NID2: variants seen among roughly 807,000 people sequenced by gnomAD.
NID2 encodes nidogen 2, also known as nidogen-2.
NID2 carries 83 observed loss-of-function variants against 145.4 expected under a neutral mutation model. That is an observed-to-expected ratio of 0.57 (90% CI 0.48 to 0.69). NID2 has a LOEUF of 0.69. NID2 is among the 30% of genes least tolerant of loss of function. NID2 has a pLI of 0.00. For missense variants in NID2, 1,807 were observed against 1,765.7 expected (o/e 1.02, Z -0.42); for synonymous variants, 739 against 701.3 (o/e 1.05, Z -0.85).
intron 19 of NID2, 109 bp downstream of exon 19, chr14:52,007,701 C>G (rs1890842889): frequency 9.9e-7 from 1 of 1,011,326 alleles, no homozygotes; most frequent in Non-Finnish European, 1.5e-6. Flanking sequence ...GTTTACAGAC[C>G]AAAGAAAGGA....
chr14:52,013,425 C>T (rs1212815079), intron 16 of NID2, among the ~76,000 whole-genome samples: 2 of 152,204 alleles, frequency 1.3e-5, no homozygotes, highest in African/African-American at 4.8e-5. Flanking sequence ...GAACACATCT[C>T]TTCCTAAACA....
rs1393927336 is a variant in NID2, at chr14:52,043,030, C to A, written c.1430-99G>T. ...TCTGCTCCATAGAAGCAGTTTAGAT[C>A]ATAACAAACAGTTTTTGATGTTTAA... On this transcript the variant is annotated intron_variant, in intron 5 of 21. Coordinates refer to ENST00000216286, the MANE Select transcript of NID2 (RefSeq NM_007361.4). The A allele has an allele frequency of 3.5e-6, 4 of 1,152,664 alleles. No individual in the cohort carries two copies. The African/African-American group carries it at 4.6e-5, about 13-fold the overall frequency. 71.4% of individuals were successfully genotyped at this position (1,152,664 alleles called of 1,614,324 possible). A position where few individuals can be genotyped will look rare whatever the true frequency, so the allele number is the denominator to read the frequency against.
At chr14:52,029,065 A>C (rs1463909786) in intron 10 of NID2, among the ~76,000 whole-genome samples, 2 of 152,176 alleles carry the variant, frequency 1.3e-5, no homozygotes, top group African/African-American at 4.8e-5. Context: ...CAGGAAGATA[A>C]ATTTTTAAGT....
chr14:52,065,871 A>G (rs1303369782), intron 2 of NID2, among the ~76,000 whole-genome samples: 1 of 142,810 alleles, frequency 7.0e-6, no homozygotes, highest in Non-Finnish European at 1.5e-5. Context: ...TCCATGGTGT[A>G]TATGTGCCAC....
intron 5 of NID2, among the ~76,000 whole-genome samples, chr14:52,046,322 C>CA (rs1555365268): frequency 0.48 from 15,281 of 31,864 alleles, 1,901 homozygotes; most frequent in Non-Finnish European, 0.54. Flanking sequence ...GACTCCATCT[C>CA]AAAAAAAAAA....
intron 5 of NID2, among the ~76,000 whole-genome samples, chr14:52,049,263 G>A (rs1241118209): frequency 6.6e-6 from 1 of 151,936 alleles, no homozygotes; most frequent in Non-Finnish European, 1.5e-5. Context: ...GATATCAGAG[G>A]AAAGAAAGAA....
intron 12 of NID2, among the ~76,000 whole-genome samples, chr14:52,023,118 C>T (rs1457468436): frequency 6.6e-6 from 1 of 152,174 alleles, no homozygotes; most frequent in Non-Finnish European, 1.5e-5. Context: ...CAACATCTAC[C>T]TACATTCTTG....
chr14:52,045,634 TAAGA>T (rs971775164), intron 5 of NID2, among the ~76,000 whole-genome samples: 7 of 151,264 alleles, frequency 4.6e-5, no homozygotes, highest in African/African-American at 1.7e-4. Context: ...TCTATTAGTT[TAAGA>T]AAGGGAAAAA....
Position 52,053,665 on chromosome 14 carries a change from C to A in NID2, c.1343G>T (p.Ser448Ile). ...AHPEEEIVLR[S>I]YPASGHTTPL... ...TGTAGTGTGACCTGAAGCAGGGTAACTTCGAAGAACAATTTCTTCTTCAGG... is the reference window on the plus strand; with the variant it reads ...TGTAGTGTGACCTGAAGCAGGGTAAATTCGAAGAACAATTTCTTCTTCAGG... Residue 448 changes from serine to isoleucine, a missense_variant, in exon 5 of 22, where the codon AGT becomes ATT. Ser to Ile is a moderately radical substitution (Grantham distance 142, BLOSUM62 -2). Coordinates refer to ENST00000216286, the MANE Select transcript of NID2 (RefSeq NM_007361.4). 6.2e-7 allele frequency: 1 copy of A among 1,614,242 alleles called. No homozygotes were observed. Among genetic ancestry groups the A allele is most frequent in the African/African-American group, 1.3e-5 (1 of 75,078 alleles).
Position 52,040,884 on chromosome 14 carries a change from A to G in NID2, c.1826-33T>C, listed in dbSNP as rs75182877. On this transcript the variant is annotated intron_variant, in intron 7 of 21. Coordinates refer to ENST00000216286, the MANE Select transcript of NID2 (RefSeq NM_007361.4). ...TGAAAAACATTCAGCACAGGGATGA[A>G]AAGAGGTCTTGCTTAAACAGTTACC... 67 of 1,601,872 alleles carry G rather than the reference A, an allele frequency of 4.2e-5. No homozygotes were observed. In the East Asian group the frequency reaches 1.4e-3, roughly 34 times the overall value.
At chr14:52,013,777 G>GT (rs1334383735) in intron 16 of NID2, among the ~76,000 whole-genome samples, 1 of 152,176 alleles carries the variant, frequency 6.6e-6, no homozygotes, top group Non-Finnish European at 1.5e-5. Flanking sequence ...GTCAGGGAAG[G>GT]TTAGGAAAGA....
At chr14:52,011,104 G>T (rs1484921080) in intron 17 of NID2, 57 bp from the exon 18 acceptor site, 3 of 1,562,748 alleles carry the variant, frequency 1.9e-6, no homozygotes, top group Non-Finnish European at 2.6e-6. Flanking sequence ...GGGCAAACCT[G>T]AAGCCCTCCA....
At chr14:52,016,941 C>A (rs961648893) in intron 14 of NID2, among the ~76,000 whole-genome samples, 3 of 152,188 alleles carry the variant, frequency 2.0e-5, no homozygotes, top group Admixed American at 2.0e-4. Context: ...TTGGGGGAAG[C>A]GAATGCCGTT....
At chr14:52,014,557 A>C in intron 15 of NID2, 101 bp from the exon 16 acceptor site, 2 of 1,256,488 alleles carry the variant, frequency 1.6e-6, no homozygotes, top group Non-Finnish European at 2.2e-6. Flanking sequence ...CAAAAATATC[A>C]AAAGTTCTTC....
At chr14:52,013,154 C>T (rs1454825045) in intron 16 of NID2, among the ~76,000 whole-genome samples, 3 of 152,198 alleles carry the variant, frequency 2.0e-5, no homozygotes, top group African/African-American at 7.2e-5. Context: ...GAAAAAGTCC[C>T]AGTTTAAGTA....
At chr14:52,063,383 C>G (rs1893080581) in intron 2 of NID2, among the ~76,000 whole-genome samples, 2 of 152,194 alleles carry the variant, frequency 1.3e-5, no homozygotes, top group African/African-American at 4.8e-5. Context: ...GCCCTGTTAT[C>G]AGAAAGAGAG....
Position 52,068,996 on chromosome 14 carries a change from C to T in NID2, c.-2G>A, listed in dbSNP as rs1240366446. 6 of 1,606,040 alleles carry T rather than the reference C, an allele frequency of 3.7e-6. No homozygotes were observed. The highest frequency in any genetic ancestry group is 2.2e-5 in the East Asian group (1 of 44,732). ...CCCGGCCACCCGGTCCCCCTCCATGCTCGCTCGGCCGTGCGCTTACCCGCT... is the reference window on the plus strand; with the variant it reads ...CCCGGCCACCCGGTCCCCCTCCATGTTCGCTCGGCCGTGCGCTTACCCGCT... On this transcript the variant is annotated 5_prime_UTR_variant, in exon 1 of 22. Transcript: ENST00000216286.
intron 3 of NID2, among the ~76,000 whole-genome samples, chr14:52,059,862 G>C (rs1193811939): frequency 6.6e-6 from 1 of 152,194 alleles, no homozygotes; most frequent in African/African-American, 2.4e-5. Context: ...TTCATAGCAA[G>C]CCTCAGTGGC....
intron 3 of NID2, among the ~76,000 whole-genome samples, chr14:52,055,943 G>GTGTGTGTT (rs774496201): frequency 6.3e-4 from 96 of 151,784 alleles, no homozygotes; most frequent in South Asian, 1.3e-3. Context: ...GTGTGTGTTT[G>GTGTGTGTT]TGTGTGTGTG....
Sources: gnomAD v4.1 joint callset for allele counts (sites outside exome capture counted in the v4.1 genomes callset) on GRCh38, gnomAD v4.1.1 for gene constraint, MANE v1.5 for transcripts, NCBI Gene and HGNC (gene_info 2026-07-23, HGNC 2026-07-21) for gene names.